TMC2: variants seen among roughly 807,000 people sequenced by gnomAD.
The protein encoded by TMC2 is transmembrane channel like 2.
In TMC2, 102 loss-of-function variants were observed where a neutral mutation model predicts 105.9. That is an observed-to-expected ratio of 0.96 (90% CI 0.82 to 1.14). TMC2 has a LOEUF of 1.14. Among genes scored for constraint, TMC2 ranks in the 50% most tolerant of loss-of-function variants. TMC2 has a pLI of 0.00. For synonymous variants in TMC2, 402 were observed against 422.8 expected (o/e 0.95, Z 0.60); for missense variants, 1,093 against 1,134.3 (o/e 0.96, Z 0.52).
chr20:2,615,200 T>C (rs1228085941), intron 14 of TMC2, among the ~76,000 whole-genome samples: 1 of 152,174 alleles, frequency 6.6e-6, no homozygotes, highest in Non-Finnish European at 1.5e-5. Context: ...TGCACACCTG[T>C]AATCCCAGCT....
chr20:2,600,986 G>GAAAAAAAAAAAAAAAAAAAAAAA (rs55710696), intron 10 of TMC2, among the ~76,000 whole-genome samples: 1 of 90,560 alleles, frequency 1.1e-5, no homozygotes, highest in African/African-American at 4.3e-5. Flanking sequence ...GACTGTCTCA[G>GAAAAAAAAAAAAAAAAAAAAAAA]AAAAAAAAAA....
chr20:2,543,092 T>C (rs1413195955), intron 2 of TMC2, among the ~76,000 whole-genome samples: 2 of 151,348 alleles, frequency 1.3e-5, no homozygotes, highest in Non-Finnish European at 2.9e-5. Flanking sequence ...CAAAAATTAG[T>C]CAGGCAAGGT....
chr20:2,638,043 A>T (rs903539529), intron 19 of TMC2, among the ~76,000 whole-genome samples: 11 of 152,106 alleles, frequency 7.2e-5, no homozygotes, highest in Non-Finnish European at 1.5e-5. Context: ...CTGAGCTGCC[A>T]GTTATATAAA....
At chr20:2,537,815 C>G (rs73892476) in intron 2 of TMC2, among the ~76,000 whole-genome samples, 1 of 152,070 alleles carries the variant, frequency 6.6e-6, no homozygotes, top group African/African-American at 2.4e-5. Context: ...AAGCCATAGG[C>G]GGGAGAGAAA....
intron 2 of TMC2, among the ~76,000 whole-genome samples, chr20:2,539,231 G>A (rs4815296): frequency 2.0e-5 from 3 of 152,016 alleles, no homozygotes; most frequent in Admixed American, 6.6e-5. Flanking sequence ...TGCATTATGT[G>A]GAGTCTGTTG....
At chr20:2,565,736 A>G (rs1371928422) in intron 4 of TMC2, among the ~76,000 whole-genome samples, 1 of 152,054 alleles carries the variant, frequency 6.6e-6, no homozygotes, top group Non-Finnish European at 1.5e-5. Flanking sequence ...GTTACTGTAG[A>G]CTATCTAAAA....
chr20:2,619,339 G>C (rs1240610546), intron 16 of TMC2, among the ~76,000 whole-genome samples: 1 of 152,138 alleles, frequency 6.6e-6, no homozygotes, highest in Non-Finnish European at 1.5e-5. Flanking sequence ...ATCACAGCCT[G>C]TGATTTCTGC....
At chr20:2,595,242 A>G (rs2086297343) in intron 9 of TMC2, among the ~76,000 whole-genome samples, 1 of 152,240 alleles carries the variant, frequency 6.6e-6, no homozygotes, top group Non-Finnish European at 1.5e-5. Flanking sequence ...AAAGAAGAGC[A>G]TGTGCAAAGG....
rs190203806 is a variant in TMC2 at position 2,636,900 on chromosome 20, C to A, written c.2386-574C>A. ...TGCTGGGATTATAGGCGTGAGCCACCGTGCCCAGCCCCTTCTTCTGTTAAT... is the reference window on the plus strand; with the variant it reads ...TGCTGGGATTATAGGCGTGAGCCACAGTGCCCAGCCCCTTCTTCTGTTAAT... On this transcript the variant is annotated intron_variant, in intron 18 of 19. Transcript: ENST00000358864. Among the ~76,000 whole-genome samples, 127 of 152,256 alleles carry A rather than the reference C, an allele frequency of 8.3e-4. 1 individual carries two copies. Among genetic ancestry groups the A allele is most frequent in the Non-Finnish European group, 3.4e-4 (23 of 68,028 alleles).
At position 2,602,213 on chromosome 20, in the gene TMC2, G is replaced by C; in HGVS notation, c.1325G>C (p.Cys442Ser). 1.2e-6 allele frequency: 2 copies of C among 1,613,654 alleles called. No individual in the cohort carries two copies. Among genetic ancestry groups the C allele is most frequent in the Non-Finnish European group, 1.7e-6 (2 of 1,179,836 alleles). ...LANFLIICCL[C>S]GSGYLIYFVV... ...AACTTTCTCATCATCTGCTGTTTGT[G>C]TGGAAGTGGGTACCTCATTTACTTT... The change falls in exon 11 of 20, where the codon TGT becomes TCT. Residue 442 changes from cysteine to serine, a missense_variant. Cys to Ser is a moderately radical substitution (Grantham distance 112). Coordinates refer to ENST00000358864, the MANE Select transcript of TMC2 (RefSeq NM_080751.3).
In TMC2 at chr20:2,617,184, G is replaced by A. The variant is rs766710269; in HGVS notation, c.2053G>A (p.Val685Met). 57 of 1,614,096 alleles carry A rather than the reference G, an allele frequency of 3.5e-5. No individual in the cohort carries two copies. Among genetic ancestry groups the A allele is most frequent in the Middle Eastern group, 1.6e-4 (1 of 6,084 alleles). ...VMSSNVPHERVFKASRSNNFY... is the reference protein window; with the variant it reads ...VMSSNVPHERMFKASRSNNFY... ...GAGCAGCAACGTACCCCATGAACGCGTGTTCAAAGCCTCCCGATCCAACAA... is the reference window on the plus strand; with the variant it reads ...GAGCAGCAACGTACCCCATGAACGCATGTTCAAAGCCTCCCGATCCAACAA... The change falls in exon 16 of 20, where the codon GTG becomes ATG. Residue 685 changes from valine (V) to methionine (M), a missense_variant. By Grantham distance (21) the Val-to-Met change is conservative. Coordinates refer to ENST00000358864, the MANE Select transcript of TMC2 (RefSeq NM_080751.3).
At chr20:2,548,031 G>A (rs1170221247) in intron 2 of TMC2, among the ~76,000 whole-genome samples, 1 of 152,178 alleles carries the variant, frequency 6.6e-6, no homozygotes, top group Non-Finnish European at 1.5e-5. Context: ...TATCAAGACT[G>A]ATCATAATAG....
intron 2 of TMC2, among the ~76,000 whole-genome samples, chr20:2,553,654 T>G (rs1337589718): frequency 3.3e-5 from 5 of 152,214 alleles, no homozygotes; most frequent in Non-Finnish European, 5.9e-5. Flanking sequence ...TATTTCTTCT[T>G]TAAACATTTG....
At chr20:2,539,958 T>TCCGCAAATAGCA (rs1555769271) in intron 2 of TMC2, among the ~76,000 whole-genome samples, 1 of 149,992 alleles carries the variant, frequency 6.7e-6, no homozygotes, top group African/African-American at 2.5e-5. Context: ...CTCCCGCAAA[T>TCCGCAAATAGCA]AGCACACAAG....
At chr20:2,612,436 T>TA (rs1247196726) in intron 13 of TMC2, 96 bp downstream of exon 13, 1 of 1,204,110 alleles carries the variant, frequency 8.3e-7, no homozygotes, top group African/African-American at 1.5e-5. Flanking sequence ...CCTGAAAACT[T>TA]ACCAGCTGTT....
In TMC2 at chr20:2,592,836, G is replaced by C. The variant is rs547873686; in HGVS notation, c.933+428G>C. On this transcript the variant is annotated intron_variant, in intron 8 of 19. Transcript: ENST00000358864. The surrounding 1 kb of genome is among the most constrained non-coding windows in gnomAD (Gnocchi z 4.9). ...CCAAAACCCACATCTCTTTTTCCCA[G>C]CTCCTTTATTGGAATCACCATTCAT... Among the ~76,000 whole-genome samples the C allele has an allele frequency of 6.6e-6, 1 of 152,056 alleles. No homozygotes were observed. Among genetic ancestry groups the C allele is most frequent in the Non-Finnish European group, 1.5e-5 (1 of 68,012 alleles).
At chr20:2,624,518 AC>A in intron 17 of TMC2, 122 bp downstream of exon 17, 1 of 1,190,986 alleles carries the variant, frequency 8.4e-7, no homozygotes, top group Non-Finnish European at 1.2e-6. Flanking sequence ...AGAATCCATG[AC>A]AAGGATTCAA....
Position 2,594,867 on chromosome 20 carries a change from A to C in TMC2, c.976A>C (p.Asn326His). The C allele has an allele frequency of 1.2e-6, 2 of 1,614,142 alleles. No homozygotes were observed. The highest frequency in any genetic ancestry group is 1.7e-6 in the Non-Finnish European group (2 of 1,180,032). Residue 326 changes from asparagine to histidine, a missense_variant, in exon 9 of 20, where the codon AAC becomes CAC. By Grantham distance (68) the Asn-to-His change is moderately conservative. Transcript: ENST00000358864. The stretch of plus-strand genomic sequence containing the variant: ...TGCACTCTTCTATGGCTACTACAAC[A>C]ACCAGAGGACCATCGGGTGGCTGAG... ...YSALFYGYYN[N>H]QRTIGWLRYR...
chr20:2,574,530 A>T (rs2086129151), intron 5 of TMC2, among the ~76,000 whole-genome samples: 1 of 152,202 alleles, frequency 6.6e-6, no homozygotes, highest in South Asian at 2.1e-4. Flanking sequence ...TTTTTATAGA[A>T]TACCTTGAAA....
Sources: allele counts gnomAD v4.1 joint callset (sites outside exome capture counted in the v4.1 genomes callset), GRCh38; gene constraint gnomAD v4.1.1; non-coding constraint Gnocchi (gnomAD v3.1); transcripts MANE v1.5; gene names NCBI Gene and HGNC (gene_info 2026-07-23, HGNC 2026-07-21).